Variants in MAF observed in about 807,000 individuals in gnomAD.
MAF encodes the protein MAF bZIP transcription factor.
In MAF, 10 loss-of-function variants were observed where a neutral mutation model predicts 22.0. The ratio of observed to expected loss-of-function variants is 0.45; its 90% CI spans 0.28 to 0.77. MAF has a LOEUF of 0.77. Ranked by LOEUF, MAF falls within the 30% of genes least tolerant of loss-of-function variation. MAF has a pLI of 0.12. For synonymous variants in MAF, 337 were observed against 255.8 expected (o/e 1.32, Z -3.03); for missense variants, 544 against 548.4 (o/e 0.99, Z 0.08).
chr16:79,541,961 T>C, the MAF span, among the ~76,000 whole-genome samples: 38 of 152,228 alleles, frequency 2.5e-4, no homozygotes, highest in African/African-American at 8.2e-4. Context: ...CGGTTACTAC[T>C]AGGGTTTTGA....
the MAF span, among the ~76,000 whole-genome samples, chr16:79,575,433 A>G: frequency 6.6e-6 from 1 of 152,224 alleles, no homozygotes; most frequent in Non-Finnish European, 1.5e-5. Flanking sequence ...GCAAGGGGCC[A>G]TGAGGACTCA....
the MAF span, among the ~76,000 whole-genome samples, chr16:79,228,114 G>T: frequency 7.2e-5 from 11 of 152,028 alleles, no homozygotes; most frequent in African/African-American, 2.4e-4. Flanking sequence ...TGTTGCCCAG[G>T]CTGGTCTCCA....
the MAF span, among the ~76,000 whole-genome samples, chr16:79,220,715 A>C: frequency 6.6e-6 from 1 of 152,162 alleles, no homozygotes; most frequent in South Asian, 2.1e-4. Context: ...CTGGGGTCAA[A>C]CAACATGAAA....
chr16:79,247,811 G>T, the MAF span, among the ~76,000 whole-genome samples: 1 of 152,156 alleles, frequency 6.6e-6, no homozygotes, highest in Non-Finnish European at 1.5e-5. Context: ...ATGAAATATG[G>T]AAGATACTGT....
the MAF span, among the ~76,000 whole-genome samples, chr16:79,327,077 C>T: frequency 6.6e-6 from 1 of 152,200 alleles, no homozygotes; most frequent in Non-Finnish European, 1.5e-5. Flanking sequence ...AGCCCCAGCC[C>T]AGAACAGGGG....
chr16:79,310,120 C>T, the MAF span, among the ~76,000 whole-genome samples: 1 of 152,290 alleles, frequency 6.6e-6, no homozygotes, highest in Non-Finnish European at 1.5e-5. Flanking sequence ...GATTTCCTTC[C>T]TTTAATGGAA....
the MAF span, among the ~76,000 whole-genome samples, chr16:79,358,566 G>A: frequency 5.9e-5 from 9 of 152,194 alleles, no homozygotes; most frequent in Non-Finnish European, 1.0e-4. Context: ...TGAGACTGCA[G>A]TGAAGGATCC....
chr16:79,373,214 A>T, the MAF span, among the ~76,000 whole-genome samples: 13 of 152,000 alleles, frequency 8.6e-5, no homozygotes, highest in African/African-American at 3.1e-4. Flanking sequence ...GTCCTCTCCA[A>T]AACTCATATT....
chr16:79,210,488 A>G, the MAF span, among the ~76,000 whole-genome samples: 5 of 152,174 alleles, frequency 3.3e-5, no homozygotes, highest in African/African-American at 1.2e-4. Flanking sequence ...CATTTCCCCC[A>G]CAATCAAAGT....
At chr16:79,562,030 C>A in the MAF span, among the ~76,000 whole-genome samples, 65 of 152,300 alleles carry the variant, frequency 4.3e-4, no homozygotes, top group African/African-American at 1.6e-3. Context: ...AACCACTGGG[C>A]AGCTATTACC....
chr16:79,244,353 G>A, the MAF span, among the ~76,000 whole-genome samples: 1 of 152,068 alleles, frequency 6.6e-6, no homozygotes, highest in Non-Finnish European at 1.5e-5. Flanking sequence ...AAGCAGATAA[G>A]CAACTTCAGC....
the MAF span, among the ~76,000 whole-genome samples, chr16:79,312,942 C>T: frequency 5.5e-4 from 84 of 152,252 alleles, no homozygotes; most frequent in African/African-American, 3.1e-4. Flanking sequence ...ACGGCATCAT[C>T]GGCCCAGTTT....
the MAF span, among the ~76,000 whole-genome samples, chr16:79,332,895 G>T: frequency 6.6e-6 from 1 of 152,182 alleles, no homozygotes; most frequent in Non-Finnish European, 1.5e-5. Flanking sequence ...CTGCCCCACA[G>T]TTCTCCAAGC....
At chr16:79,534,494 C>T in the MAF span, among the ~76,000 whole-genome samples, 4 of 151,924 alleles carry the variant, frequency 2.6e-5, no homozygotes, top group African/African-American at 7.3e-5. Flanking sequence ...CATGCGATAT[C>T]CTTTTATCCA....
At chr16:79,298,520 T>C in the MAF span, among the ~76,000 whole-genome samples, 1 of 152,216 alleles carries the variant, frequency 6.6e-6, no homozygotes, top group Non-Finnish European at 1.5e-5. Flanking sequence ...AGGAGGGTCA[T>C]TCCTAGCTGA....
At chr16:79,284,015 A>G in the MAF span, among the ~76,000 whole-genome samples, 14 of 151,054 alleles carry the variant, frequency 9.3e-5, no homozygotes, top group Admixed American at 9.2e-4. Context: ...GATTGATGGC[A>G]GAACAAGGGT....
At chr16:79,455,326 C>T in the MAF span, among the ~76,000 whole-genome samples, 18 of 151,984 alleles carry the variant, frequency 1.2e-4, no homozygotes, top group Non-Finnish European at 2.4e-4. Flanking sequence ...AAATAAATGG[C>T]CCTTTAAAAA....
the MAF span, among the ~76,000 whole-genome samples, chr16:79,498,749 C>T: frequency 6.6e-6 from 1 of 152,206 alleles, no homozygotes; most frequent in Non-Finnish European, 1.5e-5. Flanking sequence ...TATAACATAA[C>T]CTCTATACTA....
chr16:79,463,175 A>G, the MAF span, among the ~76,000 whole-genome samples: 1 of 152,236 alleles, frequency 6.6e-6, no homozygotes, highest in Non-Finnish European at 1.5e-5. Context: ...GATCAGGCCC[A>G]TGTAGCTGGA....
Sources: gnomAD v4.1 joint callset for allele counts (sites outside exome capture counted in the v4.1 genomes callset) on GRCh38, gnomAD v4.1.1 for gene constraint, MANE v1.5 for transcripts, NCBI Gene and HGNC (gene_info 2026-07-23, HGNC 2026-07-21) for gene names.